PCDHA7: variants seen among roughly 807,000 people sequenced by gnomAD.
PCDHA7 encodes protocadherin alpha 7, also known as protocadherin alpha-7.
A neutral mutation model predicts 57.2 loss-of-function variants in PCDHA7; 37 were observed. That is an observed-to-expected ratio of 0.65 (90% confidence interval 0.50 to 0.85). PCDHA7 has a LOEUF of 0.85. Ranked by LOEUF, PCDHA7 falls within the 40% of genes least tolerant of loss-of-function variation. The pLI, the probability that PCDHA7 is intolerant of heterozygous loss-of-function variation, is 0.00. For missense variants in PCDHA7, 1,188 were observed against 1,241.8 expected, an observed-to-expected ratio of 0.96 and a Z score of 0.65; for synonymous variants, 553 against 558.8, an observed-to-expected ratio of 0.99 and a Z score of 0.15.
chr5:140,950,646 G>T (rs1221939583), intron 1 of PCDHA7, among the ~76,000 whole-genome samples: 2 of 151,884 alleles, frequency 1.3e-5, no homozygotes, highest in African/African-American at 4.8e-5. Context: ...TCCTGTTTAT[G>T]GTTGGCTGAG....
chr5:140,940,253 A>G (rs1216858680), intron 1 of PCDHA7, among the ~76,000 whole-genome samples: 1 of 152,124 alleles, frequency 6.6e-6, no homozygotes, highest in Middle Eastern at 3.2e-3. Context: ...CCTCCTCAAT[A>G]TCTTCTGGGT....
At chr5:140,927,378 C>T in intron 1 of PCDHA7, 3 of 1,614,110 alleles carry the variant, frequency 1.9e-6, no homozygotes, top group Non-Finnish European at 2.5e-6. Flanking sequence ...TAAGCTACAG[C>T]CTAAGCCCCA....
intron 2 of PCDHA7, among the ~76,000 whole-genome samples, chr5:140,981,442 C>T (rs1379745081): frequency 6.6e-6 from 1 of 151,988 alleles, no homozygotes; most frequent in Non-Finnish European, 1.5e-5. Flanking sequence ...GGCATGGTGG[C>T]GGGTGCCTGT....
Position 140,982,613 on chromosome 5 carries a change from A to G in PCDHA7, c.2503+50A>G, listed in dbSNP as rs201150239. ...CTTTCTTGGTTTCTGGAAAGTGATC[A>G]GATGACCTACTTTTGTAAGATCAGG... On this transcript the variant is annotated intron_variant, in intron 3 of 3. Transcript: ENST00000525929. 2.7e-5 allele frequency: 43 copies of G among 1,599,298 alleles called. No individual in the cohort carries two copies. The Admixed American group carries it at 7.0e-4, about 26-fold the overall frequency.
chr5:140,954,120 C>G (rs246026), intron 1 of PCDHA7, among the ~76,000 whole-genome samples: 85,718 of 152,076 alleles, frequency 0.56, 24,786 homozygotes, highest in African/African-American at 0.69. Flanking sequence ...GATCTTGTTC[C>G]TTTTTATGGA....
At position 140,858,352 on chromosome 5, in the gene PCDHA7, G is replaced by T; in HGVS notation, c.2355+21614G>T. On this transcript the variant is annotated intron_variant, in intron 1 of 3. Coordinates refer to ENST00000525929, the MANE Select transcript of PCDHA7 (RefSeq NM_018910.3). ...AGGGCCTGCCCAAGGCGGACCTCATGGCCTTCAGCCCCAGCCTTCCACCAT... is the reference window on the plus strand; with the variant it reads ...AGGGCCTGCCCAAGGCGGACCTCATTGCCTTCAGCCCCAGCCTTCCACCAT... 1.3e-6 allele frequency: 2 copies of T among 1,593,948 alleles called. 1 individual carries two copies. Among genetic ancestry groups the T allele is most frequent in the Non-Finnish European group, 1.7e-6 (2 of 1,165,108 alleles).
intron 1 of PCDHA7, among the ~76,000 whole-genome samples, chr5:140,949,414 C>G (rs887325816): frequency 6.6e-6 from 1 of 151,940 alleles, no homozygotes; most frequent in Non-Finnish European, 1.5e-5. Context: ...CACCTATCAT[C>G]ATTGTGTTTA....
intron 3 of PCDHA7, among the ~76,000 whole-genome samples, chr5:141,007,362 G>A (rs1554261189): frequency 6.8e-6 from 1 of 146,590 alleles, no homozygotes; most frequent in Non-Finnish European, 1.5e-5. Context: ...ACCAGCCTGG[G>A]CAACATGATG....
intron 1 of PCDHA7, among the ~76,000 whole-genome samples, chr5:140,904,023 A>G (rs2070780912): frequency 1.3e-5 from 2 of 152,198 alleles, no homozygotes; most frequent in Admixed American, 6.5e-5. Flanking sequence ...AAATAATGGT[A>G]TAATTTAACT....
rs2150258058 is a variant in PCDHA7, at chr5:140,836,333, T to C, written c.1950T>C (p.Leu650=). Residue 650 remains leucine (L), a synonymous_variant, in exon 1 of 4, where the codon CTT becomes CTC. Transcript: ENST00000525929. Reference sequence around the variant, plus strand: ...CACCGCGCCACCGCCTTCTGGTGCTTGTGAAGGACCACGGGGAGCCCTCGC... The same window carrying C: ...CACCGCGCCACCGCCTTCTGGTGCTCGTGAAGGACCACGGGGAGCCCTCGC... ...TDAPRHRLLV[L]VKDHGEPSLT... 1.9e-6 allele frequency: 3 copies of C among 1,613,682 alleles called. No homozygotes were observed. Among genetic ancestry groups the C allele is most frequent in the South Asian group, 2.2e-5 (2 of 91,072 alleles).
chr5:140,865,075 C>T (rs1441744566), intron 1 of PCDHA7: 2 of 152,110 alleles, frequency 1.3e-5, no homozygotes, highest in African/African-American at 4.8e-5. Flanking sequence ...AGTATAAGAA[C>T]CATGGGATAT....
intron 1 of PCDHA7, among the ~76,000 whole-genome samples, chr5:140,906,526 CAATT>C (rs1554192570): frequency 6.6e-6 from 1 of 152,190 alleles, no homozygotes; most frequent in Non-Finnish European, 1.5e-5. Context: ...ATACTCACGA[CAATT>C]AAAATCCTCA....
intron 1 of PCDHA7, chr5:140,842,158 T>C: frequency 3.1e-6 from 5 of 1,613,882 alleles, no homozygotes; most frequent in Non-Finnish European, 4.2e-6. Flanking sequence ...CAATTTCATA[T>C]TCTTTTAATA....
At chr5:140,869,718 T>A (rs1228223839) in intron 1 of PCDHA7, 19 of 1,613,290 alleles carry the variant, frequency 1.2e-5, no homozygotes, top group Non-Finnish European at 1.2e-5. Flanking sequence ...GAGAGAAAAC[T>A]CCGGAACTTA....
intron 1 of PCDHA7, chr5:140,860,693 G>C (rs2046523245): frequency 6.6e-6 from 1 of 152,204 alleles, no homozygotes; most frequent in Non-Finnish European, 1.5e-5. Context: ...TTGAGCGACA[G>C]GATATTGTTG....
chr5:140,963,941 G>A lies in PCDHA7; in HGVS notation c.2356-15008G>A, dbSNP rs1434019587. Among the ~76,000 whole-genome samples the A allele has an allele frequency of 7.9e-5, 12 of 152,320 alleles. No homozygotes were observed. In the East Asian group the frequency reaches 9.6e-4, roughly 12 times the overall value. On this transcript the variant is annotated intron_variant, in intron 1 of 3. Coordinates refer to ENST00000525929, the MANE Select transcript of PCDHA7 (RefSeq NM_018910.3). ...TAAGTAACATGTCCATAGCCAAACAGTTAGTCACTGGCAGGAGTGTGACTG... is the reference window on the plus strand; with the variant it reads ...TAAGTAACATGTCCATAGCCAAACAATTAGTCACTGGCAGGAGTGTGACTG...
At chr5:140,899,250 G>A (rs1232558400) in intron 1 of PCDHA7, among the ~76,000 whole-genome samples, 1 of 152,118 alleles carries the variant, frequency 6.6e-6, no homozygotes, top group African/African-American at 2.4e-5. Flanking sequence ...GGTGAGAGAG[G>A]GCATCCCTGT....
rs139974024 is a variant in PCDHA7 at position 140,967,301 on chromosome 5, G to A, written c.2356-11648G>A. 5.0e-5 allele frequency: 81 copies of A among 1,612,148 alleles called. No homozygotes were observed. In the African/African-American group the frequency reaches 9.1e-4, roughly 18 times the overall value. ...GAGTGCGCAGGACCCCGACGTGGGC[G>A]CCAACTCAGTACAGACCTACGAGCT... On this transcript the variant is annotated intron_variant, in intron 1 of 3. Coordinates refer to ENST00000525929, the MANE Select transcript of PCDHA7 (RefSeq NM_018910.3).
At chr5:140,913,789 T>C (rs2076466373) in intron 1 of PCDHA7, among the ~76,000 whole-genome samples, 1 of 152,176 alleles carries the variant, frequency 6.6e-6, no homozygotes, top group African/African-American at 2.4e-5. Context: ...CCATTATCAT[T>C]TGTTTGAATC....
Sources: allele counts gnomAD v4.1 joint callset (sites outside exome capture counted in the v4.1 genomes callset), GRCh38; gene constraint gnomAD v4.1.1; transcripts MANE v1.5; gene names NCBI Gene and HGNC (gene_info 2026-07-23, HGNC 2026-07-21).